Variants in ASAP3 observed in about 807,000 individuals in gnomAD.
ASAP3 encodes the protein ArfGAP with SH3 domain, ankyrin repeat and PH domain 3, also known as arf-GAP with SH3 domain, ANK repeat and PH domain-containing protein 3.
ASAP3 carries 85 observed loss-of-function variants against 118.2 expected under a neutral mutation model. The ratio of observed to expected loss-of-function variants is 0.72; its 90% confidence interval spans 0.60 to 0.86. The LOEUF (loss-of-function observed/expected upper bound fraction) is 0.86, where lower values mean the gene tolerates loss of function less well. Ranked by LOEUF, ASAP3 falls within the 40% of genes least tolerant of loss-of-function variation. ASAP3 has a pLI of 0.00. For missense variants in ASAP3, 1,026 were observed against 1,175.0 expected (o/e 0.87, Z 1.85); for synonymous variants, 432 against 477.4 (o/e 0.90, Z 1.24).
intron 1 of ASAP3, among the ~76,000 whole-genome samples, chr1:23,473,571 G>C (rs966101347): frequency 3.9e-5 from 6 of 152,188 alleles, no homozygotes; most frequent in African/African-American, 1.4e-4. Flanking sequence ...ATTGCCTTCA[G>C]GGAAAGCATG....
chr1:23,433,062 G>A lies in ASAP3; in HGVS notation c.2323+15C>T, dbSNP rs371858359. The A allele has an allele frequency of 1.8e-5, 29 of 1,612,578 alleles. No individual in the cohort carries two copies. Among genetic ancestry groups the A allele is most frequent in the Admixed American group, 1.3e-4 (8 of 59,486 alleles). On this transcript the variant is annotated intron_variant, in intron 22 of 24. Transcript: ENST00000336689. ...GAATGGCATGGTGAGCATTTATCTG[G>A]GCATCCAACTGTACCTCCACTGGCA... is the stretch of plus-strand genomic sequence containing the variant.
At chr1:23,462,586 C>T (rs185373643) in intron 1 of ASAP3, among the ~76,000 whole-genome samples, 1 of 151,550 alleles carries the variant, frequency 6.6e-6, no homozygotes, top group Non-Finnish European at 1.5e-5. Flanking sequence ...CTGGCTAACA[C>T]GTCTCTACTA....
At position 23,433,518 on chromosome 1, in the gene ASAP3, C is replaced by G. The variant is rs199856800; in HGVS notation, c.2034G>C (p.Gln678His). 1,000 of 1,614,186 alleles carry G rather than the reference C, an allele frequency of 6.2e-4. 7 individuals carry two copies. In the East Asian group the frequency reaches 0.017, roughly 28 times the overall value. Residue 678 changes from glutamine to histidine, a missense_variant, in exon 21 of 25, where the codon CAG (glutamine) becomes CAC (histidine). Transcript: ENST00000336689. ...GTAGAGGGAAGGCAAAGGTCCCCGCCTGGGCCTGCTCCAGCTGCCAAAAAC... is the reference window on the plus strand; with the variant it reads ...GTAGAGGGAAGGCAAAGGTCCCCGCGTGGGCCTGCTCCAGCTGCCAAAAAC... ...KECEELLEQA[Q>H]AGTFAFPLHV...
intron 1 of ASAP3, among the ~76,000 whole-genome samples, chr1:23,483,548 A>C (rs1049157618): frequency 2.0e-5 from 3 of 152,080 alleles, no homozygotes; most frequent in Non-Finnish European, 4.4e-5. Flanking sequence ...AACGCGGGCC[A>C]AATCTCCGAA....
In ASAP3 at chr1:23,437,532, A is replaced by C; in HGVS notation, c.1103-60T>G. On this transcript the variant is annotated intron_variant, in intron 12 of 24. Transcript: ENST00000336689. This position sits in a 1 kb window ranked among gnomAD's most constrained non-coding sequence, Gnocchi z 6.1. ...AATGCTGCTGGCCTTCCCGGAGCCC[A>C]GGGAGCCCCCACCAAAGCCGCTGGG... The C allele has an allele frequency of 6.2e-7, 1 of 1,603,904 alleles. No individual in the cohort carries two copies. Among genetic ancestry groups the C allele is most frequent in the Non-Finnish European group, 8.5e-7 (1 of 1,174,202 alleles).
At chr1:23,477,231 G>T (rs190620532) in intron 1 of ASAP3, among the ~76,000 whole-genome samples, 1 of 151,564 alleles carries the variant, frequency 6.6e-6, no homozygotes, top group Non-Finnish European at 1.5e-5. Flanking sequence ...TGGCCAGGCT[G>T]GTCTCGAACT....
chr1:23,451,459 C>T lies in ASAP3; in HGVS notation c.473+20G>A. 1 of 1,613,284 alleles carries T rather than the reference C, an allele frequency of 6.2e-7. No homozygotes were observed. Among genetic ancestry groups the T allele is most frequent in the Non-Finnish European group, 8.5e-7 (1 of 1,179,180 alleles). ...AAGTGCTACTCTCCCAGACAAACGA[C>T]CCTGGCTGTGGCCACTTACATTTTG... On this transcript the variant is annotated intron_variant, in intron 5 of 24. Transcript: ENST00000336689.
rs1008840019 is a variant in ASAP3 at position 23,441,599 on chromosome 1, T to G, written c.747+56A>C. 2.5e-6 allele frequency: 4 copies of G among 1,608,972 alleles called. No individual in the cohort carries two copies. The Middle Eastern group carries it at 5.0e-4, about 200-fold the overall frequency. ...AAGCCAGCTCTTCCACACCCACAGA[T>G]TTTCCTGGAAGGACAGGGGGCTTGA... On this transcript the variant is annotated intron_variant, in intron 8 of 24. Transcript: ENST00000336689.
At chr1:23,434,937 T>C (rs548812348) in intron 17 of ASAP3, among the ~76,000 whole-genome samples, 2 of 152,276 alleles carry the variant, frequency 1.3e-5, no homozygotes, top group East Asian at 3.9e-4. Flanking sequence ...CTATCACACA[T>C]GTGCAGGCTG....
intron 17 of ASAP3, among the ~76,000 whole-genome samples, chr1:23,435,205 T>C (rs1640594337): frequency 6.6e-6 from 1 of 152,132 alleles, no homozygotes; most frequent in East Asian, 1.9e-4. Flanking sequence ...TTTTAGTTGT[T>C]GTTGTAGAGA....
intron 17 of ASAP3, among the ~76,000 whole-genome samples, chr1:23,435,352 T>C (rs373209551): frequency 1.3e-5 from 2 of 152,350 alleles, no homozygotes; most frequent in South Asian, 4.1e-4. Flanking sequence ...TGATGTCGAA[T>C]CAGTCAGCAA....
At chr1:23,441,569 G>A in intron 8 of ASAP3, 86 bp downstream of exon 8, 6 of 1,601,458 alleles carry the variant, frequency 3.7e-6, no homozygotes, top group Non-Finnish European at 4.3e-6. Context: ...TCACTCTGTG[G>A]GCAGAAGCCA....
chr1:23,471,879 T>A (rs1400296781), intron 1 of ASAP3, among the ~76,000 whole-genome samples: 2 of 152,202 alleles, frequency 1.3e-5, no homozygotes, highest in African/African-American at 4.8e-5. Flanking sequence ...ATCTGAAAAG[T>A]GCTTACAACA....
intron 5 of ASAP3, among the ~76,000 whole-genome samples, chr1:23,447,502 C>T (rs1641086872): frequency 6.6e-6 from 1 of 152,198 alleles, no homozygotes; most frequent in South Asian, 2.1e-4. Context: ...CAGTTTCAAG[C>T]ATCCACTGGG....
chr1:23,461,493 T>C (rs1641584006), intron 1 of ASAP3, among the ~76,000 whole-genome samples: 1 of 151,072 alleles, frequency 6.6e-6, no homozygotes, highest in East Asian at 1.9e-4. Flanking sequence ...ATAGTGAGAG[T>C]CTGTCTCTAC....
chr1:23,467,951 CAAAAAAA>C (rs573411297), intron 1 of ASAP3, among the ~76,000 whole-genome samples: 1 of 52,464 alleles, frequency 1.9e-5, no homozygotes, highest in African/African-American at 7.8e-5. Context: ...GACTCCGTCT[CAAAAAAA>C]AAAAAAAAAA....
In ASAP3 at chr1:23,431,713, G is replaced by T; in HGVS notation, c.2529C>A (p.Tyr843Ter). Residue 843 changes from tyrosine to a stop codon, truncating the protein, a stop_gained, in exon 23 of 25, where the codon TAC (tyrosine) becomes TAA (stop). Coordinates refer to ENST00000336689, the MANE Select transcript of ASAP3 (RefSeq NM_017707.4). LOFTEE classifies it high-confidence loss of function. ...TCACCAACCTGAATCTGACGGGGAG[G>T]TACATCTCCGAAGGGGTGGTCCCGG... ...LTSGTTPSEM[Y>*]LPVRFSSEST... 6.6e-7 allele frequency: 1 copy of T among 1,523,394 alleles called. No homozygotes were observed. 94.4% of individuals were successfully genotyped at this position (1,523,394 alleles called of 1,614,324 possible). A position where few individuals can be genotyped will look rare whatever the true frequency, so the allele number is the denominator to read the frequency against.
intron 1 of ASAP3, among the ~76,000 whole-genome samples, chr1:23,469,220 C>T (rs1411306932): frequency 6.6e-6 from 1 of 152,096 alleles, no homozygotes; most frequent in Non-Finnish European, 1.5e-5. Context: ...GGTAGGGTAT[C>T]ACTTGAGCCC....
At chr1:23,482,144 C>T (rs1383409107) in intron 1 of ASAP3, among the ~76,000 whole-genome samples, 4 of 152,202 alleles carry the variant, frequency 2.6e-5, no homozygotes, top group African/African-American at 4.8e-5. Context: ...CAAGGTGAGG[C>T]TCTGTGAGAC....
Sources: gnomAD v4.1 joint callset for allele counts (sites outside exome capture counted in the v4.1 genomes callset) on GRCh38, gnomAD v4.1.1 for gene constraint, Gnocchi (gnomAD v3.1) non-coding constraint, MANE v1.5 for transcripts, NCBI Gene and HGNC (gene_info 2026-07-23, HGNC 2026-07-21) for gene names.